Variants in PRKCB observed in about 807,000 individuals in gnomAD.
The protein encoded by PRKCB is protein kinase C beta type.
Under a neutral mutation model 81.5 loss-of-function variants are expected in PRKCB, and 13 were observed. The ratio of observed to expected loss-of-function variants is 0.16; its 90% CI spans 0.10 to 0.25. PRKCB has a LOEUF of 0.25. Among genes scored for constraint, PRKCB ranks in the 10% least tolerant of loss-of-function variants. PRKCB has a pLI of 1.00. For missense variants in PRKCB, 509 were observed against 875.7 expected (o/e 0.58, Z 5.29); for synonymous variants, 335 against 321.4 (o/e 1.04, Z -0.45).
chr16:23,841,218 T>C (rs938083146), intron 2 of PRKCB, among the ~76,000 whole-genome samples: 10 of 152,222 alleles, frequency 6.6e-5, no homozygotes, highest in African/African-American at 2.4e-4. Context: ...TTGCTGGGAT[T>C]ACGGGGGCCT....
chr16:23,953,340 G>A (rs939783791), intron 2 of PRKCB, among the ~76,000 whole-genome samples: 1 of 152,168 alleles, frequency 6.6e-6, no homozygotes, highest in African/African-American at 2.4e-5. Flanking sequence ...TCTTGAAAAT[G>A]TGCACAATCT....
In PRKCB at chr16:24,219,331, T is replaced by TGAGTA; in HGVS notation, c.*4517_*4518insGTAGA. The TGAGTA allele has an allele frequency of 2.1e-6, 2 of 946,164 alleles. No homozygotes were observed. Among genetic ancestry groups the TGAGTA allele is most frequent in the Non-Finnish European group, 2.4e-6 (2 of 816,808 alleles). 58.6% of individuals were successfully genotyped at this position (946,164 alleles called of 1,614,324 possible). A position where few individuals can be genotyped will look rare whatever the true frequency, so the allele number is the denominator to read the frequency against. On this transcript the variant is annotated 3_prime_UTR_variant, in exon 17 of 17. Coordinates refer to ENST00000643927, the MANE Select transcript of PRKCB (RefSeq NM_002738.7). Reference sequence around the variant, plus strand: ...TTGGGTTTTCTCTCTTATAGTTTGTTGACACATGCTAAAAATGTCTTTGGA... The same window carrying TGAGTA: ...TTGGGTTTTCTCTCTTATAGTTTGTTGAGTAGACACATGCTAAAAATGTCTTTGGA...
At chr16:24,044,475 G>A (rs1965741752) in intron 5 of PRKCB, among the ~76,000 whole-genome samples, 3 of 152,182 alleles carry the variant, frequency 2.0e-5, no homozygotes, top group Non-Finnish European at 4.4e-5. Context: ...GTAAGATTAT[G>A]ATTTATACAC....
At chr16:23,914,297 C>T (rs1235649960) in intron 2 of PRKCB, among the ~76,000 whole-genome samples, 1 of 152,232 alleles carries the variant, frequency 6.6e-6, no homozygotes, top group Non-Finnish European at 1.5e-5. Context: ...TATCCCTAGG[C>T]TTTTAAGCCT....
intron 8 of PRKCB, among the ~76,000 whole-genome samples, chr16:24,123,085 C>T (rs1966821357): frequency 6.6e-6 from 1 of 152,192 alleles, no homozygotes; most frequent in Admixed American, 6.5e-5. Flanking sequence ...AGTGAACAGG[C>T]AGTTATCCTC....
chr16:24,191,413 A>T (rs759384277), intron 16 of PRKCB, 183 bp downstream of exon 16: 26 of 625,822 alleles, frequency 4.2e-5, no homozygotes, highest in Non-Finnish European at 6.9e-5. Context: ...CCATTGGCCC[A>T]GCTTAGTCTC....
intron 7 of PRKCB, among the ~76,000 whole-genome samples, chr16:24,112,408 A>G (rs998755571): frequency 5.3e-5 from 8 of 152,118 alleles, no homozygotes; most frequent in Non-Finnish European, 1.0e-4. Flanking sequence ...ATGGTGGCAC[A>G]TGCCTATAGT....
rs74012478 is a variant in PRKCB, at chr16:23,874,566, C to T, written c.205+37160C>T. 5.0e-3 allele frequency among the ~76,000 whole-genome samples: 132 copies of T among 26,238 alleles called. 3 individuals carry two copies. The highest frequency in any genetic ancestry group is 0.019 in the South Asian group (6 of 324). 17.2% of individuals were successfully genotyped at this position (26,238 alleles called of 152,430 possible). ...AGGCCTAGCATCACCAGATTCTTCT[C>T]TCTTTTTTTTTTTTTTTGTTTTGCC... On this transcript the variant is annotated intron_variant, in intron 2 of 16. Coordinates refer to ENST00000643927, the MANE Select transcript of PRKCB (RefSeq NM_002738.7).
chr16:23,988,360 G>A lies in PRKCB; in HGVS notation c.206-148G>A, dbSNP rs150595649. Reference sequence around the variant, plus strand: ...GTTTGACTTCAGCAAAGGACAAGCTGCAGAAGCTGACATTATTGTTTATTT... The same window carrying A: ...GTTTGACTTCAGCAAAGGACAAGCTACAGAAGCTGACATTATTGTTTATTT... On this transcript the variant is annotated intron_variant, in intron 2 of 16. Transcript: ENST00000643927. 4.0e-3 allele frequency: 2,509 copies of A among 621,164 alleles called. 14 individuals carry two copies. The highest frequency in any genetic ancestry group is 0.033 in the Middle Eastern group (73 of 2,216). 38.5% of individuals were successfully genotyped at this position (621,164 alleles called of 1,614,324 possible). A position where few individuals can be genotyped will look rare whatever the true frequency, so the allele number is the denominator to read the frequency against.
At chr16:23,847,530 A>C (rs1308914136) in intron 2 of PRKCB, among the ~76,000 whole-genome samples, 1 of 146,122 alleles carries the variant, frequency 6.8e-6, no homozygotes, top group Non-Finnish European at 1.5e-5. Context: ...CCACCCAGCT[A>C]TTCTTCCATT....
chr16:24,171,457 T>A (rs1967440215), intron 10 of PRKCB, among the ~76,000 whole-genome samples: 1 of 152,198 alleles, frequency 6.6e-6, no homozygotes, highest in Non-Finnish European at 1.5e-5. Flanking sequence ...ATTGTCATTT[T>A]TGCAGTATCC....
chr16:24,025,284 A>ATGC lies in PRKCB; in HGVS notation c.289-6849_289-6847dup, dbSNP rs1217935561. Among the ~76,000 whole-genome samples the ATGC allele has an allele frequency of 7.2e-5, 11 of 152,338 alleles. No homozygotes were observed. In the East Asian group the frequency reaches 2.1e-3, roughly 29 times the overall value. On this transcript the variant is annotated intron_variant, in intron 3 of 16. Transcript: ENST00000643927. ...AACAACCCATTGACCACTGTGTGCAATGCTGTGCTTGCCACGGGCAAAACA... is the reference window on the plus strand; with the variant it reads ...AACAACCCATTGACCACTGTGTGCAATGCTGCTGTGCTTGCCACGGGCAAAACA...
intron 5 of PRKCB, among the ~76,000 whole-genome samples, chr16:24,045,926 C>G (rs939169749): frequency 6.6e-6 from 1 of 152,250 alleles, no homozygotes; most frequent in Admixed American, 6.5e-5. Context: ...ATGTGAACCT[C>G]CAGCCCCGCG....
intron 2 of PRKCB, among the ~76,000 whole-genome samples, chr16:23,844,400 T>TCATCCATCCATCCCTCCATTTATC (rs1962326631): frequency 6.6e-6 from 1 of 152,218 alleles, no homozygotes; most frequent in Admixed American, 6.5e-5. Context: ...ATTCATTTAT[T>TCATCCATCCATCCCTCCATTTATC]CATCCATCCA....
At chr16:23,993,699 TG>T (rs1334917268) in intron 3 of PRKCB, among the ~76,000 whole-genome samples, 1 of 152,232 alleles carries the variant, frequency 6.6e-6, no homozygotes, top group African/African-American at 2.4e-5. Flanking sequence ...AATTGGGTCC[TG>T]GAGTATCAGG....
chr16:24,095,071 C>T (rs1472775751), intron 7 of PRKCB, among the ~76,000 whole-genome samples: 7 of 152,176 alleles, frequency 4.6e-5, no homozygotes, highest in South Asian at 2.1e-4. Context: ...TATTTGTCAC[C>T]GTCCTCACCA....
chr16:24,178,832 C>A (rs948144305), intron 12 of PRKCB, among the ~76,000 whole-genome samples: 3 of 152,164 alleles, frequency 2.0e-5, no homozygotes, highest in African/African-American at 7.2e-5. Flanking sequence ...AGATTGTATT[C>A]TTTTAGTTGG....
intron 7 of PRKCB, among the ~76,000 whole-genome samples, chr16:24,095,361 G>A (rs911738726): frequency 5.9e-5 from 9 of 152,124 alleles, no homozygotes; most frequent in African/African-American, 1.9e-4. Context: ...CTGACTGGTT[G>A]GGGATGCAGT....
At chr16:24,040,342 C>G (rs967495020) in intron 5 of PRKCB, among the ~76,000 whole-genome samples, 1 of 152,162 alleles carries the variant, frequency 6.6e-6, no homozygotes, top group Non-Finnish European at 1.5e-5. Flanking sequence ...CATAAGACAT[C>G]TGTGCGTTCT....
Sources: gnomAD v4.1 joint callset for allele counts (sites outside exome capture counted in the v4.1 genomes callset) on GRCh38, gnomAD v4.1.1 for gene constraint, MANE v1.5 for transcripts, NCBI Gene and HGNC (gene_info 2026-07-23, HGNC 2026-07-21) for gene names.